RAD18: variants seen among roughly 807,000 people sequenced by gnomAD.
The protein encoded by RAD18 is RAD18 E3 ubiquitin protein ligase.
A neutral mutation model predicts 60.4 loss-of-function variants in RAD18; 47 were observed. That is an observed-to-expected ratio of 0.78 (90% CI 0.62 to 0.99). RAD18 has a LOEUF of 0.99. RAD18 is among the 50% of genes least tolerant of loss of function. The probability of loss-of-function intolerance (pLI) is 0.00; values close to 1 mark genes in which losing one functional copy is unlikely to be tolerated. For missense variants in RAD18, 640 were observed against 593.3 expected, an observed-to-expected ratio of 1.08 and a Z score of -0.82; for synonymous variants, 225 against 195.5, an observed-to-expected ratio of 1.15 and a Z score of -1.26.
intron 7 of RAD18, among the ~76,000 whole-genome samples, chr3:8,918,163 C>T (rs572933002): frequency 6.6e-6 from 1 of 151,864 alleles, no homozygotes; most frequent in East Asian, 1.9e-4. Flanking sequence ...ACTGAAAATA[C>T]AAAAATTAGC....
rs111568741 is a variant in RAD18, at chr3:8,914,865, G to A, written c.890-1145C>T. The stretch of plus-strand genomic sequence containing the variant: ...AGATATTAAGAAAACTAGGCCAGGC[G>A]CAGTGGCTCACGCCTCTAATCCCAG... On this transcript the variant is annotated intron_variant, in intron 7 of 12. Coordinates refer to ENST00000264926, the MANE Select transcript of RAD18 (RefSeq NM_020165.4). 1.0e-3 allele frequency among the ~76,000 whole-genome samples: 159 copies of A among 152,216 alleles called. No individual in the cohort carries two copies. In the South Asian group the frequency reaches 0.032, roughly 31 times the overall value.
intron 1 of RAD18, among the ~76,000 whole-genome samples, chr3:8,959,237 T>C (rs191591349): frequency 2.7e-4 from 41 of 152,376 alleles, no homozygotes; most frequent in African/African-American, 9.4e-4. Context: ...CAGCTAAAGA[T>C]GATGGCACAC....
intron 7 of RAD18, among the ~76,000 whole-genome samples, chr3:8,935,303 T>C (rs941465683): frequency 4.6e-5 from 7 of 152,228 alleles, no homozygotes; most frequent in Non-Finnish European, 1.0e-4. Context: ...AACCACTAAA[T>C]AGTGCACTAC....
chr3:8,891,078 ATATAT>A lies in RAD18; in HGVS notation c.1323-632_1323-628del, dbSNP rs1939680284. ...TGTATAAAGCATATATATATAAAATATATATATATATATATATATCTGTGTTTTAT... is the reference window on the plus strand; with the variant it reads ...TGTATAAAGCATATATATATAAAATAATATATATATATATCTGTGTTTTAT... On this transcript the variant is annotated intron_variant, in intron 11 of 12. Coordinates refer to ENST00000264926, the MANE Select transcript of RAD18 (RefSeq NM_020165.4). Among the ~76,000 whole-genome samples, 11 of 129,868 alleles carry A rather than the reference ATATAT, an allele frequency of 8.5e-5. No homozygotes were observed. The South Asian group carries it at 1.1e-3, about 13-fold the overall frequency. The allele number at this position is 129,868 out of a possible 152,430, so 85.2% of individuals were successfully genotyped here. A position where few individuals can be genotyped will look rare whatever the true frequency, so the allele number is the denominator to read the frequency against.
intron 9 of RAD18, among the ~76,000 whole-genome samples, chr3:8,905,829 C>T (rs1346942581): frequency 2.0e-5 from 3 of 152,198 alleles, no homozygotes; most frequent in African/African-American, 4.8e-5. Context: ...ATTCGACACT[C>T]CCCATGTGGC....
At chr3:8,897,581 G>C (rs575775953) in intron 11 of RAD18, among the ~76,000 whole-genome samples, 3 of 152,268 alleles carry the variant, frequency 2.0e-5, no homozygotes, top group Admixed American at 6.5e-5. Context: ...ATTTGGTCTT[G>C]ACTGGTAGTC....
intron 4 of RAD18, among the ~76,000 whole-genome samples, chr3:8,944,186 A>T (rs1461899947): frequency 1.3e-5 from 2 of 152,244 alleles, no homozygotes; most frequent in African/African-American, 4.8e-5. Context: ...ACAAATTTTA[A>T]ATTTTAGATA....
chr3:8,878,326 T>C lies in RAD18; in HGVS notation c.*3031A>G, dbSNP rs908088252. 5 of 152,086 alleles carry C rather than the reference T, an allele frequency of 3.3e-5. No individual in the cohort carries two copies. Among genetic ancestry groups the C allele is most frequent in the Non-Finnish European group, 2.9e-5 (2 of 68,014 alleles). The allele number at this position is 152,086 out of a possible 1,614,324, so 9.4% of individuals were successfully genotyped here. ...GTAAATACTTGTTTACAGCCTCAGA[T>C]AGTTGTTCTTAAGGATGTCTAAAAA... On this transcript the variant is annotated 3_prime_UTR_variant, in exon 13 of 13. Transcript: ENST00000264926.
chr3:8,923,939 AG>A (rs1206929859), intron 7 of RAD18, among the ~76,000 whole-genome samples: 1 of 152,208 alleles, frequency 6.6e-6, no homozygotes, highest in African/African-American at 2.4e-5. Context: ...AGGAACAACC[AG>A]TACCAGCCAC....
intron 2 of RAD18, among the ~76,000 whole-genome samples, chr3:8,949,989 C>A (rs1940902953): frequency 6.6e-6 from 1 of 152,050 alleles, no homozygotes; most frequent in African/African-American, 2.4e-5. Context: ...GTAAAAGTAA[C>A]CATTTCTAAA....
intron 1 of RAD18, among the ~76,000 whole-genome samples, chr3:8,963,042 ATTGT>A (rs1283206526): frequency 6.6e-6 from 1 of 152,184 alleles, no homozygotes; most frequent in East Asian, 1.9e-4. Flanking sequence ...TGTCGATGTC[ATTGT>A]TTGGAATAAC....
chr3:8,953,595 A>G (rs774511723), intron 2 of RAD18, among the ~76,000 whole-genome samples: 4 of 152,200 alleles, frequency 2.6e-5, no homozygotes, highest in Non-Finnish European at 5.9e-5. Flanking sequence ...CTTCATTTAA[A>G]TCACCTATGA....
At chr3:8,948,695 A>G in intron 2 of RAD18, 125 bp from the exon 3 acceptor site, 1 of 707,816 alleles carries the variant, frequency 1.4e-6, no homozygotes, top group Non-Finnish European at 2.4e-6. Flanking sequence ...CATAAGCTTA[A>G]ATTTCTAGTA....
At position 8,881,471 on chromosome 3, in the gene RAD18, A is replaced by G; in HGVS notation, c.1386-12T>C. Reference sequence around the variant, plus strand: ...CTTGAAGATCGTTTCTGAAGACAGAAAAAGGAAATGACATCTTGGAAAGTA... The same window carrying G: ...CTTGAAGATCGTTTCTGAAGACAGAGAAAGGAAATGACATCTTGGAAAGTA... On this transcript the variant is annotated splice_polypyrimidine_tract_variant and intron_variant, in intron 12 of 12. Transcript: ENST00000264926. 1.3e-6 allele frequency: 2 copies of G among 1,566,072 alleles called. No individual in the cohort carries two copies. The highest frequency in any genetic ancestry group is 1.8e-6 in the Non-Finnish European group (2 of 1,137,770).
chr3:8,958,324 T>C lies in RAD18; in HGVS notation c.133+596A>G, dbSNP rs565550389. 2.6e-5 allele frequency among the ~76,000 whole-genome samples: 4 copies of C among 152,348 alleles called. No homozygotes were observed. In the South Asian group the frequency reaches 8.3e-4, roughly 32 times the overall value. ...ACCTGAATAACCCATAAACTGTATG[T>C]CTAGCTCCTCAACAATGATAGGGTA... is the stretch of plus-strand genomic sequence containing the variant. On this transcript the variant is annotated intron_variant, in intron 2 of 12. Coordinates refer to ENST00000264926, the MANE Select transcript of RAD18 (RefSeq NM_020165.4).
chr3:8,929,832 G>A (rs879813549), intron 7 of RAD18, among the ~76,000 whole-genome samples: 5 of 152,176 alleles, frequency 3.3e-5, no homozygotes, highest in Admixed American at 1.3e-4. Flanking sequence ...AAGTAGAGAC[G>A]GGGTTTCACC....
chr3:8,931,048 C>A (rs765827860), intron 7 of RAD18, among the ~76,000 whole-genome samples: 3 of 151,820 alleles, frequency 2.0e-5, no homozygotes, highest in Non-Finnish European at 4.4e-5. Context: ...AAATAAAAGG[C>A]ATATCGACTG....
intron 2 of RAD18, 79 bp from the exon 3 acceptor site, chr3:8,948,649 A>T: frequency 8.1e-7 from 1 of 1,236,404 alleles, no homozygotes; most frequent in Non-Finnish European, 1.2e-6. Flanking sequence ...CAAAATCTTA[A>T]GCCCTAGACT....
Position 8,907,007 on chromosome 3 carries a change from T to C in RAD18, c.1028-4487A>G, listed in dbSNP as rs916560645. Among the ~76,000 whole-genome samples the C allele has an allele frequency of 3.9e-5, 6 of 152,352 alleles. No homozygotes were observed. The South Asian group carries it at 1.2e-3, about 32-fold the overall frequency. On this transcript the variant is annotated intron_variant, in intron 9 of 12. Coordinates refer to ENST00000264926, the MANE Select transcript of RAD18 (RefSeq NM_020165.4). ...CTGTGGTCAGAGAACGTATTTTGCA[T>C]GCCAAATGAATACTCAAGGTGAACT...
Sources: allele counts gnomAD v4.1 joint callset (sites outside exome capture counted in the v4.1 genomes callset), GRCh38; gene constraint gnomAD v4.1.1; transcripts MANE v1.5; gene names NCBI Gene and HGNC (gene_info 2026-07-23, HGNC 2026-07-21).